Variants in KANK4 observed in about 807,000 individuals in gnomAD.
KANK4 encodes KN motif and ankyrin repeat domain-containing protein 4.
A neutral mutation model predicts 80.8 loss-of-function variants in KANK4; 50 were observed. That is an observed-to-expected ratio of 0.62 (90% CI 0.49 to 0.78). KANK4 has a LOEUF of 0.78. Ranked by LOEUF, KANK4 falls within the 30% of genes least tolerant of loss-of-function variation. The pLI, the probability that KANK4 is intolerant of heterozygous loss-of-function variation, is 0.00. For synonymous variants in KANK4, 465 were observed against 506.9 expected (o/e 0.92, Z 1.11); for missense variants, 1,196 against 1,240.1 (o/e 0.96, Z 0.53).
chr1:62,308,985 T>C (rs1350073646), intron 1 of KANK4, among the ~76,000 whole-genome samples: 1 of 152,174 alleles, frequency 6.6e-6, no homozygotes, highest in African/African-American at 2.4e-5. Context: ...TCCCAGGGGC[T>C]TTCAATCCTC....
chr1:62,270,454 G>A (rs1437444877), intron 4 of KANK4, among the ~76,000 whole-genome samples: 3 of 151,302 alleles, frequency 2.0e-5, no homozygotes, highest in Non-Finnish European at 2.9e-5. Context: ...CAATCTCGGC[G>A]GCTCACTGCA....
At chr1:62,259,412 G>A (rs530797472) in intron 7 of KANK4, among the ~76,000 whole-genome samples, 48 of 152,262 alleles carry the variant, frequency 3.2e-4, no homozygotes, top group African/African-American at 1.1e-3. Flanking sequence ...GAGTAGCTGG[G>A]ACCACAGGCG....
Position 62,268,488 on chromosome 1 carries a change from C to T in KANK4, c.2030G>A (p.Ser677Asn). The change falls in exon 5 of 10, where the codon AGT (serine) becomes AAT (asparagine). Residue 677 changes from serine to asparagine, a missense_variant. Around this residue, in one of 3 missense-constraint regions of KANK4, gnomAD observed 1,154 missense variants for 1,179.6 expected, o/e 0.98. Coordinates refer to ENST00000371153, the MANE Select transcript of KANK4 (RefSeq NM_181712.5). ...GCTGTCCTCACCGCTGGTCTCCTCA[C>T]TTGAGGTGGTCTCATACCTGGGGTA... ...GVNGGYETTS[S>N]EETSGEDSTP... 6.2e-7 allele frequency: 1 copy of T among 1,613,718 alleles called. No homozygotes were observed. The highest frequency in any genetic ancestry group is 8.5e-7 in the Non-Finnish European group (1 of 1,179,982).
Position 62,236,658 on chromosome 1 carries a change from G to A in KANK4, c.*1619C>T, listed in dbSNP as rs1223376776. Among the ~76,000 whole-genome samples, 2 of 144,030 alleles carry A rather than the reference G, an allele frequency of 1.4e-5. No individual in the cohort carries two copies. Among genetic ancestry groups the A allele is most frequent in the Non-Finnish European group, 3.0e-5 (2 of 67,132 alleles). 94.5% of individuals were successfully genotyped at this position (144,030 alleles called of 152,430 possible). A position where few individuals can be genotyped will look rare whatever the true frequency, so the allele number is the denominator to read the frequency against. ...TACCCAGGCTGGAGTGCAATGGCAC[G>A]ATCTCGGCTCACTGAAACCTCCGCC... On this transcript the variant is annotated 3_prime_UTR_variant, in exon 10 of 10. Transcript: ENST00000371153.
chr1:62,291,029 C>T (rs1672668423), intron 1 of KANK4, among the ~76,000 whole-genome samples: 1 of 152,092 alleles, frequency 6.6e-6, no homozygotes, highest in South Asian at 2.1e-4. Context: ...GGATTACAGG[C>T]ATGAGCCACC....
At chr1:62,309,504 C>A (rs1289471729) in intron 1 of KANK4, among the ~76,000 whole-genome samples, 1 of 152,132 alleles carries the variant, frequency 6.6e-6, no homozygotes, top group Non-Finnish European at 1.5e-5. Flanking sequence ...AGAAAGTTAA[C>A]TTCAAAACCA....
rs201312415 is a variant in KANK4, at chr1:62,273,678, G to A, written c.1426C>T (p.Gln476Ter). 6.2e-7 allele frequency: 1 copy of A among 1,614,150 alleles called. No individual in the cohort carries two copies. Among genetic ancestry groups the A allele is most frequent in the Admixed American group, 1.7e-5 (1 of 60,028 alleles). Residue 476 changes from glutamine to a stop codon, truncating the protein, a stop_gained, in exon 3 of 10, where the codon CAG becomes TAG. Transcript: ENST00000371153. LOFTEE classifies it high-confidence loss of function. The part of the protein sequence containing the change: ...QSPAERVLLP[Q>*]LSLPQGPEQV... Reference sequence around the variant, plus strand: ...TCGGGTCCCTGTGGCAGTGACAGCTGGGGCAGAAGCACACGTTCTGCTGGG... The same window carrying A: ...TCGGGTCCCTGTGGCAGTGACAGCTAGGGCAGAAGCACACGTTCTGCTGGG...
At chr1:62,257,662 C>A (rs776626558) in intron 7 of KANK4, among the ~76,000 whole-genome samples, 5 of 152,112 alleles carry the variant, frequency 3.3e-5, no homozygotes, top group Non-Finnish European at 5.9e-5. Flanking sequence ...TCTAAGGACA[C>A]CCCAGGTTTG....
At chr1:62,261,194 T>C (rs1015821494) in intron 7 of KANK4, among the ~76,000 whole-genome samples, 1 of 148,740 alleles carries the variant, frequency 6.7e-6, no homozygotes, top group African/African-American at 2.5e-5. Flanking sequence ...TCTCTCTCTG[T>C]TGCCCAGGCT....
Position 62,268,427 on chromosome 1 carries a change from C to T in KANK4, c.2091G>A (p.Lys697=), listed in dbSNP as rs1458814797. ...PEDLSDSEAE[K]KCDGPDHKHV... is the part of the protein sequence containing the mutation. ...GCTTGTGATCTGGGCCGTCACACTT[C>T]TTCTCTGCCTCGCTGTCAGACAAGT... Residue 697 remains lysine (K), a synonymous_variant, in exon 5 of 10, where the codon AAG becomes AAA. Coordinates refer to ENST00000371153, the MANE Select transcript of KANK4 (RefSeq NM_181712.5). 3 of 1,613,872 alleles carry T rather than the reference C, an allele frequency of 1.9e-6. No homozygotes were observed. The highest frequency in any genetic ancestry group is 1.7e-6 in the Non-Finnish European group (2 of 1,180,020).
At position 62,238,049 on chromosome 1, in the gene KANK4, C is replaced by T. The variant is rs1304013573; in HGVS notation, c.*228G>A. 3 of 477,476 alleles carry T rather than the reference C, an allele frequency of 6.3e-6. No homozygotes were observed. The highest frequency in any genetic ancestry group is 3.8e-5 in the African/African-American group (2 of 52,088). The allele number at this position is 477,476 out of a possible 1,614,324, so 29.6% of individuals were successfully genotyped here. On this transcript the variant is annotated 3_prime_UTR_variant, in exon 10 of 10. Transcript: ENST00000371153. Reference sequence around the variant, plus strand: ...CACCGACGTACCCCTCACCTTGCACCTTGAACCCTGCTCTGAAGCCCGTGT... The same window carrying T: ...CACCGACGTACCCCTCACCTTGCACTTTGAACCCTGCTCTGAAGCCCGTGT...
chr1:62,297,860 TAC>T (rs1471848335), intron 1 of KANK4, among the ~76,000 whole-genome samples: 2 of 152,338 alleles, frequency 1.3e-5, no homozygotes, highest in Non-Finnish European at 2.9e-5. Context: ...GCAGTTGAGT[TAC>T]ACAGATATCC....
Position 62,238,380 on chromosome 1 carries a change from GC to G in KANK4, c.2884del (p.Ala962LeufsTer10). 6.2e-7 allele frequency: 1 copy of G among 1,613,314 alleles called. No homozygotes were observed. Among genetic ancestry groups the G allele is most frequent in the Non-Finnish European group, 8.5e-7 (1 of 1,179,464 alleles). Reference sequence around the variant, plus strand: ...AGCGATGGACAAAGCTGTGCGGCCAGCCTACAGGAGAAAAAGGAAAGAAGAA... The same window carrying G: ...AGCGATGGACAAAGCTGTGCGGCCAGCTACAGGAGAAAAAGGAAAGAAGAA... ...PACDSSLTDK[A>X]GRTALSIALK... On this transcript the variant is annotated frameshift_variant and splice_region_variant, in exon 10 of 10. Coordinates refer to ENST00000371153, the MANE Select transcript of KANK4 (RefSeq NM_181712.5). LOFTEE classifies it high-confidence loss of function.
At chr1:62,281,692 G>T (rs1159571539) in intron 1 of KANK4, 58 bp from the exon 2 acceptor site, 43 of 1,066,860 alleles carry the variant, frequency 4.0e-5, no homozygotes, top group Non-Finnish European at 2.9e-6. Flanking sequence ...ATAAGTATTG[G>T]GGAAACACAG....
rs143514084 is a variant in KANK4, at chr1:62,307,958, C to T, written c.-71+11148G>A. The stretch of plus-strand genomic sequence containing the variant: ...ACCTCTCTAGCCTCATCTCCAATTC[C>T]TCTGCCCTTCATAAATGCCACTCAC... On this transcript the variant is annotated intron_variant, in intron 1 of 9. Transcript: ENST00000371153. Among the ~76,000 whole-genome samples, 262 of 152,240 alleles carry T rather than the reference C, an allele frequency of 1.7e-3. 2 individuals carry two copies. Among genetic ancestry groups the T allele is most frequent in the South Asian group, 0.013 (61 of 4,814 alleles).
intron 8 of KANK4, among the ~76,000 whole-genome samples, chr1:62,249,190 ATTT>A (rs1381946379): frequency 6.6e-6 from 1 of 151,052 alleles, no homozygotes; most frequent in Admixed American, 6.6e-5. Flanking sequence ...TATAACAATG[ATTT>A]GTCCTGTGTA....
chr1:62,257,477 C>T (rs1002581704), intron 7 of KANK4, among the ~76,000 whole-genome samples: 4 of 152,152 alleles, frequency 2.6e-5, no homozygotes, highest in South Asian at 2.1e-4. Flanking sequence ...GCAAGGCTCT[C>T]GACAGAGCAT....
chr1:62,283,652 G>A (rs1440608249), intron 1 of KANK4, among the ~76,000 whole-genome samples: 1 of 152,154 alleles, frequency 6.6e-6, no homozygotes. Flanking sequence ...CTGCTCTCTT[G>A]TAAAGCCTCC....
intron 2 of KANK4, among the ~76,000 whole-genome samples, chr1:62,276,735 C>T (rs907829675): frequency 2.1e-5 from 3 of 144,666 alleles, no homozygotes; most frequent in Non-Finnish European, 4.5e-5. Flanking sequence ...CGAGATTGCA[C>T]CATTGTACTC....
Sources: gnomAD v4.1 joint callset for allele counts (sites outside exome capture counted in the v4.1 genomes callset) on GRCh38, gnomAD v4.1.1 for gene constraint, gnomAD v4.1.1 regional missense constraint, MANE v1.5 for transcripts, NCBI Gene and HGNC (gene_info 2026-07-23, HGNC 2026-07-21) for gene names.